PTPRS: variants seen among roughly 807,000 people sequenced by gnomAD.
The protein encoded by PTPRS is protein tyrosine phosphatase receptor type S, also known as receptor-type tyrosine-protein phosphatase S.
Under a neutral mutation model 215.3 loss-of-function variants are expected in PTPRS, and 63 were observed. That is an observed-to-expected ratio of 0.29 (90% CI 0.24 to 0.36). The LOEUF (loss-of-function observed/expected upper bound fraction) is 0.36. Ranked by LOEUF, PTPRS falls within the 10% of genes least tolerant of loss-of-function variation. The pLI is 1.00. For missense variants in PTPRS, 2,258 were observed against 2,825.8 expected, an observed-to-expected ratio of 0.80 and a Z score of 4.56; for synonymous variants, 1,404 against 1,191.4, an observed-to-expected ratio of 1.18 and a Z score of -3.68.
chr19:5,276,599 G>A (rs1009403520), intron 2 of PTPRS, among the ~76,000 whole-genome samples: 4 of 151,454 alleles, frequency 2.6e-5, no homozygotes, highest in African/African-American at 9.7e-5. Flanking sequence ...GGAGTGCAGT[G>A]GTGCGATCTC....
At chr19:5,255,296 C>T (rs2045463335) in intron 9 of PTPRS, among the ~76,000 whole-genome samples, 1 of 152,216 alleles carries the variant, frequency 6.6e-6, no homozygotes, top group African/African-American at 2.4e-5. Flanking sequence ...CTCCCTTGTG[C>T]CCTTGTGCCT....
Position 5,244,447 on chromosome 19 carries a change from C to T in PTPRS, c.1024G>A (p.Glu342Lys). The change falls in exon 11 of 38, where the codon GAG becomes AAG. Residue 342 changes from glutamate to lysine, a missense_variant. This residue lies in a region of PTPRS where 508 missense variants were observed against 799.4 expected (regional missense o/e 0.64). Coordinates refer to ENST00000262963, the MANE Select transcript of PTPRS (RefSeq NM_002850.4). The surrounding 1 kb of genome is among the most constrained non-coding windows in gnomAD (Gnocchi z 7.2). The part of the protein sequence containing the change: ...PKAPGTPMVT[E>K]NTATSITITW... ...ATGGTGATGCTGGTGGCTGTGTTCT[C>T]AGTCACCATGGGAGTCCCGGGAGCT... is the stretch of plus-strand genomic sequence containing the variant. 6.2e-7 allele frequency: 1 copy of T among 1,614,078 alleles called. No homozygotes were observed. The highest frequency in any genetic ancestry group is 8.5e-7 in the Non-Finnish European group (1 of 1,179,988).
chr19:5,219,518 G>T, intron 22 of PTPRS, 51 bp from the exon 23 acceptor site: 1 of 1,503,962 alleles, frequency 6.6e-7, no homozygotes, highest in Non-Finnish European at 8.8e-7. Flanking sequence ...CCTTGTAGTG[G>T]CCAGATGGGT....
At chr19:5,258,234 G>A in intron 7 of PTPRS, 107 bp from the exon 8 acceptor site, 9 of 917,342 alleles carry the variant, frequency 9.8e-6, no homozygotes, top group Non-Finnish European at 1.4e-5. Context: ...GTGCTGGCTG[G>A]GCCAGAGAGG....
At chr19:5,228,992 G>A (rs750780596) in intron 16 of PTPRS, among the ~76,000 whole-genome samples, 1 of 152,238 alleles carries the variant, frequency 6.6e-6, no homozygotes, top group Non-Finnish European at 1.5e-5. Context: ...ACTACGGGCA[G>A]GAGAAGGACC....
rs372263109 is a variant in PTPRS, at chr19:5,220,388, C to T, written c.3456-35G>A. 2.1e-5 allele frequency: 33 copies of T among 1,557,518 alleles called. No homozygotes were observed. In the African/African-American group the frequency reaches 3.4e-4, roughly 16 times the overall value. ...GATGGGAAAGAGTCAGAGGGGCTGT[C>T]GATAGGGATGACCAAGGGATGCTTC... On this transcript the variant is annotated intron_variant, in intron 20 of 37. Coordinates refer to ENST00000262963, the MANE Select transcript of PTPRS (RefSeq NM_002850.4).
intron 1 of PTPRS, among the ~76,000 whole-genome samples, chr19:5,296,529 G>A (rs1422694021): frequency 1.3e-5 from 2 of 152,006 alleles, no homozygotes; most frequent in Non-Finnish European, 2.9e-5. Flanking sequence ...AATAAACACA[G>A]GATAGGAGAG....
chr19:5,257,891 ACCGGGG>A lies in PTPRS; in HGVS notation c.706+120_706+125del. The A allele has an allele frequency of 1.3e-6, 1 of 768,332 alleles. No individual in the cohort carries two copies. Among genetic ancestry groups the A allele is most frequent in the South Asian group, 1.7e-5 (1 of 58,586 alleles). The allele number at this position is 768,332 out of a possible 1,614,324, so 47.6% of individuals were successfully genotyped here. ...CCGCCTCGGCCAAGGTCCCACCGCG[ACCGGGG>A]AGGGGCCTTCCTGCTTGGGTGTGCA... is the stretch of plus-strand genomic sequence containing the variant. On this transcript the variant is annotated intron_variant, in intron 8 of 37. Coordinates refer to ENST00000262963, the MANE Select transcript of PTPRS (RefSeq NM_002850.4). The surrounding 1 kb of genome is among the most constrained non-coding windows in gnomAD (Gnocchi z 4.4).
chr19:5,315,982 A>T (rs1469422227), intron 1 of PTPRS, among the ~76,000 whole-genome samples: 2 of 149,568 alleles, frequency 1.3e-5, no homozygotes. Flanking sequence ...GGGTGGTCCT[A>T]TCTTATCCTG....
At chr19:5,214,147 T>C (rs11085118) in intron 30 of PTPRS, among the ~76,000 whole-genome samples, 93,237 of 152,132 alleles carry the variant, frequency 0.61, 28,786 homozygotes, top group East Asian at 0.71. Flanking sequence ...CCGGCTTTGT[T>C]CTCCTGCCGT....
At position 5,339,325 on chromosome 19, in the gene PTPRS, G is replaced by A. The variant is rs75522682; in HGVS notation, c.-95+1339C>T. Among the ~76,000 whole-genome samples, 946 of 152,232 alleles carry A rather than the reference G, an allele frequency of 6.2e-3. 13 individuals carry two copies. The highest frequency in any genetic ancestry group is 0.021 in the African/African-American group (890 of 41,536). ...GCTGGATTTGAGGAAGGGTTGCAGAGGAAGGGGCGTTCTTGGAAGCTGCAT... is the reference window on the plus strand; with the variant it reads ...GCTGGATTTGAGGAAGGGTTGCAGAAGAAGGGGCGTTCTTGGAAGCTGCAT... On this transcript the variant is annotated intron_variant, in intron 1 of 37. Coordinates refer to ENST00000262963, the MANE Select transcript of PTPRS (RefSeq NM_002850.4). The surrounding 1 kb of genome is among the most constrained non-coding windows in gnomAD (Gnocchi z 4.2).
At chr19:5,277,655 CAAAAA>C in intron 2 of PTPRS, 5 of 379,698 alleles carry the variant, frequency 1.3e-5, no homozygotes, top group Non-Finnish European at 1.5e-5. Context: ...GACTCCATCT[CAAAAA>C]AAAAAAAAAG....
At chr19:5,266,131 T>C (rs2046379998) in intron 4 of PTPRS, among the ~76,000 whole-genome samples, 1 of 151,924 alleles carries the variant, frequency 6.6e-6, no homozygotes, top group South Asian at 2.1e-4. Context: ...TGATGGTGCA[T>C]GCTTGTAATC....
At position 5,294,500 on chromosome 19, in the gene PTPRS, A is replaced by G. The variant is rs2049066697; in HGVS notation, c.-94-8266T>C. ...ACAGACGCCCCACTCTCTAGAAGCC[A>G]TTACTCAGTGGGGCAAAGGACGTGG... On this transcript the variant is annotated intron_variant, in intron 1 of 37. Transcript: ENST00000262963. This position sits in a 1 kb window ranked among gnomAD's most constrained non-coding sequence, Gnocchi z 5.1. 1 of 152,204 alleles carries G rather than the reference A, an allele frequency of 6.6e-6. No individual in the cohort carries two copies. The highest frequency in any genetic ancestry group is 2.1e-4 in the South Asian group (1 of 4,834). The allele number at this position is 152,204 out of a possible 1,614,324, so 9.4% of individuals were successfully genotyped here.
At position 5,235,698 on chromosome 19, in the gene PTPRS, T is replaced by A. The variant is rs185135006; in HGVS notation, c.1849+3221A>T. 3.3e-5 allele frequency among the ~76,000 whole-genome samples: 5 copies of A among 152,266 alleles called. No individual in the cohort carries two copies. In the East Asian group the frequency reaches 9.7e-4, roughly 29 times the overall value. On this transcript the variant is annotated intron_variant, in intron 13 of 37. Coordinates refer to ENST00000262963, the MANE Select transcript of PTPRS (RefSeq NM_002850.4). ...CTGCTAATAGCTTCCATTTACTGAG[T>A]GCCAACTAGGTGCCCAGCACTGTGC...
At chr19:5,268,133 G>A (rs1282871651) in intron 4 of PTPRS, among the ~76,000 whole-genome samples, 3 of 152,074 alleles carry the variant, frequency 2.0e-5, no homozygotes, top group Admixed American at 1.3e-4. Flanking sequence ...TCGCGCCACT[G>A]CACTCCAGCC....
chr19:5,262,073 G>A (rs1568505557), intron 6 of PTPRS, among the ~76,000 whole-genome samples: 1 of 152,090 alleles, frequency 6.6e-6, no homozygotes, highest in South Asian at 2.1e-4. Flanking sequence ...AGGAGTTTGG[G>A]GTACCAGCCT....
In PTPRS at chr19:5,231,416, C is replaced by T; in HGVS notation, c.2049G>A (p.Leu683=). Residue 683 remains leucine (L), a synonymous_variant, in exon 14 of 38, where the codon CTG becomes CTA. Transcript: ENST00000262963. The stretch of plus-strand genomic sequence containing the variant: ...ACTGGGTCCACTTCTCCAAGGCCTC[C>T]AGCAGGATCTGAGTGGTGGTCGGGG... ...GIPPTTTQIL[L]EALEKWTQYR... The T allele has an allele frequency of 1.2e-6, 2 of 1,613,176 alleles. No homozygotes were observed. Among genetic ancestry groups the T allele is most frequent in the Non-Finnish European group, 1.7e-6 (2 of 1,179,924 alleles).
intron 4 of PTPRS, among the ~76,000 whole-genome samples, chr19:5,267,680 A>G (rs887888412): frequency 7.1e-4 from 107 of 150,746 alleles, no homozygotes; most frequent in Non-Finnish European, 1.4e-3. Context: ...AGAGATTAGG[A>G]AACAGCCACG....
Sources: gnomAD v4.1 joint callset for allele counts (sites outside exome capture counted in the v4.1 genomes callset) on GRCh38, gnomAD v4.1.1 for gene constraint, gnomAD v4.1.1 regional missense constraint, Gnocchi (gnomAD v3.1) non-coding constraint, MANE v1.5 for transcripts, NCBI Gene and HGNC (gene_info 2026-07-23, HGNC 2026-07-21) for gene names.